UGGT2: variants seen among roughly 807,000 people sequenced by gnomAD.
The protein encoded by UGGT2 is UDP-glucose glycoprotein glucosyltransferase 2.
Under a neutral mutation model 192.1 loss-of-function variants are expected in UGGT2, and 180 were observed. That is an observed-to-expected ratio of 0.94 (90% CI 0.83 to 1.06). The LOEUF is 1.06. Among genes scored for constraint, UGGT2 ranks in the 50% least tolerant of loss-of-function variants. The pLI is 0.00. For missense variants in UGGT2, 1,849 were observed against 1,795.7 expected, an observed-to-expected ratio of 1.03 and a Z score of -0.54; for synonymous variants, 580 against 591.0, an observed-to-expected ratio of 0.98 and a Z score of 0.27.
chr13:95,940,461 T>C (rs564703966), intron 15 of UGGT2, among the ~76,000 whole-genome samples: 7 of 148,354 alleles, frequency 4.7e-5, no homozygotes, highest in Non-Finnish European at 7.5e-5. Context: ...TTTTCTTTTT[T>C]TTTTTTTTTT....
intron 1 of UGGT2, among the ~76,000 whole-genome samples, chr13:96,045,704 A>C (rs1315661409): frequency 6.6e-6 from 1 of 152,224 alleles, no homozygotes; most frequent in Non-Finnish European, 1.5e-5. Flanking sequence ...GACCAAACTG[A>C]GAATCTAATC....
At chr13:95,913,633 T>C (rs2048578460) in intron 20 of UGGT2, among the ~76,000 whole-genome samples, 1 of 152,242 alleles carries the variant, frequency 6.6e-6, no homozygotes, top group South Asian at 2.1e-4. Context: ...TTTTACACTG[T>C]TGGTGTGAGT....
intron 10 of UGGT2, among the ~76,000 whole-genome samples, chr13:95,977,624 A>C (rs886272660): frequency 6.6e-6 from 1 of 152,236 alleles, no homozygotes; most frequent in African/African-American, 2.4e-5. Context: ...ACCATTGTAG[A>C]AGACAGTGTC....
intron 1 of UGGT2, among the ~76,000 whole-genome samples, chr13:96,045,309 CA>C (rs913126254): frequency 5.3e-5 from 8 of 152,078 alleles, no homozygotes; most frequent in Admixed American, 5.2e-4. Flanking sequence ...AAACTCTCAA[CA>C]AAATCGGCAT....
intron 20 of UGGT2, among the ~76,000 whole-genome samples, chr13:95,907,819 A>C (rs191955939): frequency 1.4e-3 from 213 of 152,352 alleles, no homozygotes; most frequent in African/African-American, 4.7e-3. Context: ...TGAAAATTCT[A>C]AAAATCAAAG....
At chr13:95,955,989 T>G (rs1388326887) in intron 12 of UGGT2, among the ~76,000 whole-genome samples, 4 of 152,202 alleles carry the variant, frequency 2.6e-5, no homozygotes, top group Admixed American at 2.6e-4. Context: ...ATGAGATAAT[T>G]CATTTTAAAT....
intron 12 of UGGT2, among the ~76,000 whole-genome samples, chr13:95,957,286 C>T (rs774921774): frequency 6.6e-6 from 1 of 152,146 alleles, no homozygotes; most frequent in African/African-American, 2.4e-5. Context: ...CTTAATGCCA[C>T]TGAATGGTTA....
chr13:95,967,716 C>T (rs142272426), intron 12 of UGGT2, among the ~76,000 whole-genome samples: 3,563 of 152,188 alleles, frequency 0.023, 52 homozygotes, highest in Non-Finnish European at 0.037. Flanking sequence ...TCATGATCCG[C>T]CCACCTTGGC....
intron 1 of UGGT2, among the ~76,000 whole-genome samples, chr13:96,041,245 G>A (rs1201312035): frequency 6.6e-6 from 1 of 152,182 alleles, no homozygotes; most frequent in African/African-American, 2.4e-5. Flanking sequence ...ACCCGAAGGT[G>A]TATATCACTG....
intron 6 of UGGT2, among the ~76,000 whole-genome samples, chr13:95,998,774 G>A (rs182024644): frequency 2.0e-5 from 3 of 151,678 alleles, no homozygotes; most frequent in Admixed American, 1.3e-4. Flanking sequence ...CTCTCATCCT[G>A]CTTCAGGATA....
At chr13:95,917,906 C>T (rs2048729247) in intron 20 of UGGT2, among the ~76,000 whole-genome samples, 1 of 152,178 alleles carries the variant, frequency 6.6e-6, no homozygotes, top group South Asian at 2.1e-4. Flanking sequence ...AAGAGACCTA[C>T]AAAGAGACTT....
intron 38 of UGGT2, among the ~76,000 whole-genome samples, chr13:95,829,359 A>C (rs1886413618): frequency 6.6e-6 from 1 of 152,212 alleles, no homozygotes; most frequent in Admixed American, 6.5e-5. Context: ...GTATTCAATT[A>C]GGAAAAGAGG....
intron 11 of UGGT2, 23 bp from the exon 12 acceptor site, chr13:95,970,285 GT>G: frequency 6.4e-7 from 1 of 1,561,432 alleles, no homozygotes; most frequent in Non-Finnish European, 8.7e-7. Flanking sequence ...AGAAAAAACA[GT>G]TTTATTTTGA....
chr13:95,960,450 T>TG (rs1484902258), intron 12 of UGGT2, among the ~76,000 whole-genome samples: 8 of 151,800 alleles, frequency 5.3e-5, no homozygotes, highest in African/African-American at 1.9e-4. Context: ...CTAAATCAAG[T>TG]AGAATCAAGA....
Position 95,853,738 on chromosome 13 carries a change from T to G in UGGT2, c.4170-81A>C, listed in dbSNP as rs1889290368. ...ACTTTCCTCCAGTGAGTGTCTACAG[T>G]GACGGTATTAACTACAGATATCCTA... On this transcript the variant is annotated intron_variant, in intron 35 of 38. Transcript: ENST00000376747. 4 of 892,416 alleles carry G rather than the reference T, an allele frequency of 4.5e-6. No individual in the cohort carries two copies. In the South Asian group the frequency reaches 7.4e-5, roughly 16 times the overall value. The allele number at this position is 892,416 out of a possible 1,614,324, so 55.3% of individuals were successfully genotyped here.
At chr13:95,902,284 T>A (rs2048125609) in intron 21 of UGGT2, among the ~76,000 whole-genome samples, 1 of 152,162 alleles carries the variant, frequency 6.6e-6, no homozygotes, top group East Asian at 1.9e-4. Context: ...CCTCGACCCT[T>A]TAAAAGTACA....
chr13:95,973,407 T>C (rs1031971564), intron 10 of UGGT2, among the ~76,000 whole-genome samples: 1 of 152,160 alleles, frequency 6.6e-6, no homozygotes, highest in African/African-American at 2.4e-5. Context: ...ACATTTCATA[T>C]AGTGTGTGTA....
At chr13:95,867,767 T>C (rs1220443106) in intron 29 of UGGT2, among the ~76,000 whole-genome samples, 1 of 152,178 alleles carries the variant, frequency 6.6e-6, no homozygotes, top group Non-Finnish European at 1.5e-5. Flanking sequence ...TATATTGTAG[T>C]GATAATTACA....
chr13:95,917,632 G>A (rs2048720605), intron 20 of UGGT2, among the ~76,000 whole-genome samples: 1 of 152,166 alleles, frequency 6.6e-6, no homozygotes, highest in African/African-American at 2.4e-5. Context: ...TGGATAAAGA[G>A]TGGAGACCCA....
Sources: gnomAD v4.1 joint callset for allele counts (sites outside exome capture counted in the v4.1 genomes callset) on GRCh38, gnomAD v4.1.1 for gene constraint, MANE v1.5 for transcripts, NCBI Gene and HGNC (gene_info 2026-07-23, HGNC 2026-07-21) for gene names.